PIAS2: variants seen among roughly 807,000 people sequenced by gnomAD.
PIAS2 encodes the protein E3 SUMO-protein ligase PIAS2.
Under a neutral mutation model 69.7 loss-of-function variants are expected in PIAS2, and 19 were observed. The observed-to-expected ratio is 0.27, with a 90% confidence interval of 0.19 to 0.40. The LOEUF is 0.40. Among genes scored for constraint, PIAS2 ranks in the 10% least tolerant of loss-of-function variants. The pLI is 1.00. For synonymous variants in PIAS2, 261 were observed against 263.2 expected (o/e 0.99, Z 0.08); for missense variants, 624 against 757.0 (o/e 0.82, Z 2.06).
intron 1 of PIAS2, among the ~76,000 whole-genome samples, chr18:46,910,633 T>C (rs924063410): frequency 3.3e-5 from 5 of 152,172 alleles, no homozygotes; most frequent in Admixed American, 6.5e-5. Context: ...ACTACTGAAA[T>C]AAATTTTATA....
At position 46,859,474 on chromosome 18, in the gene PIAS2, C is replaced by T. The variant is rs1323446071; in HGVS notation, c.585-3859G>A. Among the ~76,000 whole-genome samples, 4 of 140,070 alleles carry T rather than the reference C, an allele frequency of 2.9e-5. No individual in the cohort carries two copies. In the East Asian group the frequency reaches 8.5e-4, roughly 30 times the overall value. The allele number at this position is 140,070 out of a possible 152,430, so 91.9% of individuals were successfully genotyped here. On this transcript the variant is annotated intron_variant, in intron 3 of 13. Transcript: ENST00000585916. ...AAAAGAATCAATGAAGTGCAGCAAA[C>T]AGACAGGATGTGGTAAATGAAGAGT...
chr18:46,869,004 TG>T (rs1315438870), intron 2 of PIAS2, among the ~76,000 whole-genome samples: 1 of 152,166 alleles, frequency 6.6e-6, no homozygotes, highest in Non-Finnish European at 1.5e-5. Context: ...AGAAAAGTCG[TG>T]GGGGTGACAA....
chr18:46,810,153 C>A lies in PIAS2; in HGVS notation c.*2280G>T, dbSNP rs559444258. The A allele has an allele frequency of 6.6e-6, 1 of 150,554 alleles. No individual in the cohort carries two copies. The highest frequency in any genetic ancestry group is 2.1e-4 in the South Asian group (1 of 4,730). 9.3% of individuals were successfully genotyped at this position (150,554 alleles called of 1,614,324 possible). A position where few individuals can be genotyped will look rare whatever the true frequency, so the allele number is the denominator to read the frequency against. On this transcript the variant is annotated 3_prime_UTR_variant, in exon 14 of 14. Transcript: ENST00000585916. Reference sequence around the variant, plus strand: ...TTATATGTAATTTCAGTGTAAAACACCAAAACCGAACATTAAAACTGTTCA... The same window carrying A: ...TTATATGTAATTTCAGTGTAAAACAACAAAACCGAACATTAAAACTGTTCA...
chr18:46,806,515 G>A lies in PIAS2; in HGVS notation c.*5918C>T, dbSNP rs2040697787. 6 of 151,684 alleles carry A rather than the reference G, an allele frequency of 4.0e-5. No homozygotes were observed. The highest frequency in any genetic ancestry group is 3.9e-4 in the Admixed American group (6 of 15,208). The allele number at this position is 151,684 out of a possible 1,614,324, so 9.4% of individuals were successfully genotyped here. Reference sequence around the variant, plus strand: ...TGGGATTACAGACATGAGCCATCATGCCCTAATTTTTTGTATTTTTAGTAG... The same window carrying A: ...TGGGATTACAGACATGAGCCATCATACCCTAATTTTTTGTATTTTTAGTAG... On this transcript the variant is annotated 3_prime_UTR_variant, in exon 14 of 14. Transcript: ENST00000585916.
chr18:46,817,215 T>A (rs1177748382), intron 12 of PIAS2: 3 of 972,824 alleles, frequency 3.1e-6, no homozygotes, highest in Non-Finnish European at 3.7e-6. Flanking sequence ...ATCTCTCAGT[T>A]CATGTTAGTA....
At chr18:46,891,174 C>G (rs568147076) in intron 1 of PIAS2, 120 bp from the exon 2 acceptor site, 1 of 706,834 alleles carries the variant, frequency 1.4e-6, no homozygotes, top group East Asian at 2.7e-5. Context: ...GTGCTAGTAA[C>G]AGCATTTCAC....
At chr18:46,869,203 G>A (rs1403598557) in intron 2 of PIAS2, among the ~76,000 whole-genome samples, 2 of 152,222 alleles carry the variant, frequency 1.3e-5, no homozygotes, top group Admixed American at 1.3e-4. Flanking sequence ...ATTCCCGTGA[G>A]GGAAGCAGCC....
At chr18:46,824,602 G>A (rs1359187028) in intron 11 of PIAS2, among the ~76,000 whole-genome samples, 1 of 152,102 alleles carries the variant, frequency 6.6e-6, no homozygotes, top group Non-Finnish European at 1.5e-5. Context: ...CATCAAAATG[G>A]CAATGATTCT....
At chr18:46,916,724 T>C (rs2057961962) in intron 1 of PIAS2, 2 of 646,728 alleles carry the variant, frequency 3.1e-6, no homozygotes, top group Admixed American at 1.3e-4. Flanking sequence ...TAAGAAAATA[T>C]CGAGGTTTAA....
At chr18:46,881,532 C>A (rs1009971841) in intron 2 of PIAS2, among the ~76,000 whole-genome samples, 2 of 152,136 alleles carry the variant, frequency 1.3e-5, no homozygotes, top group African/African-American at 2.4e-5. Context: ...CAGTTCTCCC[C>A]TTTCTTGGCA....
intron 1 of PIAS2, among the ~76,000 whole-genome samples, chr18:46,894,076 A>T (rs2054477989): frequency 6.6e-6 from 1 of 152,168 alleles, no homozygotes; most frequent in South Asian, 2.1e-4. Context: ...CAGTGAGCCA[A>T]GACTGAGCCA....
Position 46,804,946 on chromosome 18 carries a change from G to C in PIAS2, c.*7487C>G, listed in dbSNP as rs923682922. The stretch of plus-strand genomic sequence containing the variant: ...GATAAGAGAGGGGAAGTCTGACAGA[G>C]GAAGGTCCTGAAGATGACAGGAGGA... On this transcript the variant is annotated 3_prime_UTR_variant, in exon 14 of 14. Coordinates refer to ENST00000585916, the MANE Select transcript of PIAS2 (RefSeq NM_004671.5). The C allele has an allele frequency of 6.6e-5, 10 of 152,300 alleles. No individual in the cohort carries two copies. The highest frequency in any genetic ancestry group is 2.2e-4 in the African/African-American group (9 of 41,462). The allele number at this position is 152,300 out of a possible 1,614,324, so 9.4% of individuals were successfully genotyped here. A position where few individuals can be genotyped will look rare whatever the true frequency, so the allele number is the denominator to read the frequency against.
intron 8 of PIAS2, among the ~76,000 whole-genome samples, chr18:46,839,553 T>C (rs527444585): frequency 5.3e-5 from 8 of 152,304 alleles, no homozygotes; most frequent in South Asian, 2.1e-4. Flanking sequence ...CAGTTCTCAT[T>C]TGGTTTCAAA....
chr18:46,912,940 C>T (rs565023979), intron 1 of PIAS2, among the ~76,000 whole-genome samples: 3 of 152,300 alleles, frequency 2.0e-5, no homozygotes, highest in African/African-American at 7.2e-5. Context: ...CCGCCCCAGG[C>T]TCCCAAAATG....
chr18:46,887,306 A>G (rs1460907622), intron 2 of PIAS2, among the ~76,000 whole-genome samples: 2 of 152,064 alleles, frequency 1.3e-5, no homozygotes, highest in Non-Finnish European at 2.9e-5. Flanking sequence ...GTCAGGCCAT[A>G]CTAACCCCAC....
chr18:46,886,433 A>C (rs1335607442), intron 2 of PIAS2, among the ~76,000 whole-genome samples: 3 of 152,254 alleles, frequency 2.0e-5, no homozygotes, highest in Non-Finnish European at 4.4e-5. Flanking sequence ...AGGAATTAGA[A>C]AACAAATTAG....
chr18:46,836,482 T>G lies in PIAS2; in HGVS notation c.1077A>C (p.Ala359=). 1 of 1,613,688 alleles carries G rather than the reference T, an allele frequency of 6.2e-7. No individual in the cohort carries two copies. The highest frequency in any genetic ancestry group is 8.5e-7 in the Non-Finnish European group (1 of 1,179,716). The change falls in exon 9 of 14, where the codon GCA becomes GCC. Residue 359 remains alanine, a synonymous_variant. Coordinates refer to ENST00000585916, the MANE Select transcript of PIAS2 (RefSeq NM_004671.5). ...AACACTGCAGATGTGTACAAGTCAC[T>G]GCACGGCATGGGATTGTCAGCCTCA... The part of the protein sequence containing the change: ...GKMRLTIPCR[A]VTCTHLQCFD...
chr18:46,826,930 C>T (rs966142209), intron 11 of PIAS2: 1 of 151,862 alleles, frequency 6.6e-6, no homozygotes, highest in Non-Finnish European at 1.5e-5. Context: ...GCATTATAGA[C>T]ACAAAAAAAC....
chr18:46,808,689 T>G lies in PIAS2; in HGVS notation c.*3744A>C, dbSNP rs2040827199. 6.6e-6 allele frequency: 1 copy of G among 152,170 alleles called. No homozygotes were observed. The highest frequency in any genetic ancestry group is 2.4e-5 in the African/African-American group (1 of 41,432). 9.4% of individuals were successfully genotyped at this position (152,170 alleles called of 1,614,324 possible). On this transcript the variant is annotated 3_prime_UTR_variant, in exon 14 of 14. Coordinates refer to ENST00000585916, the MANE Select transcript of PIAS2 (RefSeq NM_004671.5). Reference sequence around the variant, plus strand: ...TGTTTAAATGGTGCACTGCTCTACATTTTTCTATTATGCAAAGAGCTAGAA... The same window carrying G: ...TGTTTAAATGGTGCACTGCTCTACAGTTTTCTATTATGCAAAGAGCTAGAA...
Sources: gnomAD v4.1 joint callset for allele counts (sites outside exome capture counted in the v4.1 genomes callset) on GRCh38, gnomAD v4.1.1 for gene constraint, MANE v1.5 for transcripts, NCBI Gene and HGNC (gene_info 2026-07-23, HGNC 2026-07-21) for gene names.